RHBDF2: variants seen among roughly 807,000 people sequenced by gnomAD.
RHBDF2 encodes inactive rhomboid protein 2.
In RHBDF2, 38 loss-of-function variants were observed where a neutral mutation model predicts 95.2. The observed-to-expected ratio is 0.40, with a 90% CI of 0.31 to 0.52. RHBDF2 has a LOEUF of 0.52. Among genes scored for constraint, RHBDF2 ranks in the 20% least tolerant of loss-of-function variants. The pLI is 0.56. For synonymous variants in RHBDF2, 442 were observed against 462.0 expected (o/e 0.96, Z 0.55); for missense variants, 863 against 1,137.7 (o/e 0.76, Z 3.47).
At position 76,471,396 on chromosome 17, in the gene RHBDF2, G is replaced by C. The variant is rs2073553435; in HGVS notation, c.*237C>G. 3 of 538,234 alleles carry C rather than the reference G, an allele frequency of 5.6e-6. No homozygotes were observed. Among genetic ancestry groups the C allele is most frequent in the Non-Finnish European group, 9.8e-6 (3 of 305,552 alleles). 33.3% of individuals were successfully genotyped at this position (538,234 alleles called of 1,614,324 possible). On this transcript the variant is annotated 3_prime_UTR_variant, in exon 19 of 19. Coordinates refer to ENST00000675367, the MANE Select transcript of RHBDF2 (RefSeq NM_001005498.4). The stretch of plus-strand genomic sequence containing the variant: ...CAAGACTCAGAGAGGCAGGTGCCTT[G>C]GGTGTGCCTGAGCTTGGGTCAGGAT...
rs368409953 is a variant in RHBDF2, at chr17:76,479,736, C to T, written c.269G>A (p.Arg90His). Residue 90 changes from arginine (R) to histidine (H), a missense_variant, in exon 4 of 19, where the codon CGC becomes CAC. By Grantham distance (29) the Arg-to-His change is conservative (BLOSUM62 0). Coordinates refer to ENST00000675367, the MANE Select transcript of RHBDF2 (RefSeq NM_001005498.4). ...GCTTGGGTGTAGGGGGGCTCACTTGCGGATGCTCTGGGACAGTGAGGCCTG... is the reference window on the plus strand; with the variant it reads ...GCTTGGGTGTAGGGGGGCTCACTTGTGGATGCTCTGGGACAGTGAGGCCTG... ...RRQASLSQSI[R>H]KGAAQWFGVS... The T allele has an allele frequency of 7.5e-6, 12 of 1,607,018 alleles. No homozygotes were observed. The highest frequency in any genetic ancestry group is 2.2e-5 in the East Asian group (1 of 44,826).
At chr17:76,476,429 A>C (rs2073775283) in intron 9 of RHBDF2, 1 of 177,982 alleles carries the variant, frequency 5.6e-6, no homozygotes, top group African/African-American at 2.4e-5. Flanking sequence ...AAAGTGCTAT[A>C]ATTACAAGTG....
intron 1 of RHBDF2, among the ~76,000 whole-genome samples, chr17:76,492,302 C>G (rs2074321590): frequency 6.6e-6 from 1 of 152,156 alleles, no homozygotes; most frequent in African/African-American, 2.4e-5. Flanking sequence ...CTCAGGGCCT[C>G]CCCCACTGCA....
chr17:76,480,043 T>TGTTTTTATA (rs1491080282), intron 3 of RHBDF2, 189 bp from the exon 4 acceptor site: 1 of 125,494 alleles, frequency 8.0e-6, no homozygotes, highest in Non-Finnish European at 1.5e-5. Context: ...GTGTGTGTGT[T>TGTTTTTATA]TGTATATGTA....
In RHBDF2 at chr17:76,475,309, T is replaced by C. The variant is rs535257458; in HGVS notation, c.1116-168A>G. 5.0e-4 allele frequency among the ~76,000 whole-genome samples: 76 copies of C among 152,284 alleles called. 3 individuals are homozygous for C. The South Asian group carries it at 0.016, about 31-fold the overall frequency. On this transcript the variant is annotated intron_variant, in intron 9 of 18. Transcript: ENST00000675367. ...TTTAAGACGAGCCTCCAAGCATCTC[T>C]CTCCTAGCTTAAAACCTTTTGATAG... is the stretch of plus-strand genomic sequence containing the variant.
Position 76,477,541 on chromosome 17 carries a change from C to T in RHBDF2, c.801+116G>A. 8 of 1,252,620 alleles carry T rather than the reference C, an allele frequency of 6.4e-6. No homozygotes were observed. In the Middle Eastern group the frequency reaches 9.7e-4, roughly 152 times the overall value. 77.6% of individuals were successfully genotyped at this position (1,252,620 alleles called of 1,614,324 possible). On this transcript the variant is annotated intron_variant, in intron 7 of 18. Transcript: ENST00000675367. Reference sequence around the variant, plus strand: ...CTCCACATAGGACCATGCCACATCCCAGCAGTGGGCCTCTGGGTCCCTCAG... The same window carrying T: ...CTCCACATAGGACCATGCCACATCCTAGCAGTGGGCCTCTGGGTCCCTCAG...
intron 1 of RHBDF2, among the ~76,000 whole-genome samples, chr17:76,490,890 C>G (rs1598161911): frequency 6.6e-6 from 1 of 152,324 alleles, no homozygotes; most frequent in East Asian, 1.9e-4. Flanking sequence ...CTCTCTCCAG[C>G]ATCTCGCGGA....
chr17:76,474,312 G>A (rs747577938), intron 12 of RHBDF2, 61 bp downstream of exon 12: 2 of 1,571,758 alleles, frequency 1.3e-6, no homozygotes, highest in Non-Finnish European at 1.7e-6. Context: ...GAAGGACAGG[G>A]CAAGTGGAGC....
chr17:76,478,530 T>C (rs2073844856), intron 6 of RHBDF2, among the ~76,000 whole-genome samples: 1 of 152,144 alleles, frequency 6.6e-6, no homozygotes, highest in African/African-American at 2.4e-5. Flanking sequence ...CAAGTATGCA[T>C]CTCACTTCCC....
rs201618885 is a variant in RHBDF2 at position 76,482,350 on chromosome 17, TG to T, written c.-21-806del. 3.0e-3 allele frequency among the ~76,000 whole-genome samples: 451 copies of T among 151,930 alleles called. 3 individuals are homozygous for T. The highest frequency in any genetic ancestry group is 0.01 in the African/African-American group (426 of 41,470). ...TTTTCTTGTCTTTTTTCTGTAGAGG[TG>T]GGGGTCTCTCCATGTTAGCCAGGCT... On this transcript the variant is annotated intron_variant, in intron 2 of 18. Coordinates refer to ENST00000675367, the MANE Select transcript of RHBDF2 (RefSeq NM_001005498.4).
chr17:76,483,443 G>A (rs1483522688), intron 2 of RHBDF2, among the ~76,000 whole-genome samples: 8 of 151,950 alleles, frequency 5.3e-5, no homozygotes, highest in African/African-American at 1.2e-4. Context: ...GCGCCACCAC[G>A]CCCAGCTAAT....
At chr17:76,489,398 C>A (rs139533189) in intron 1 of RHBDF2, among the ~76,000 whole-genome samples, 3,066 of 149,904 alleles carry the variant, frequency 0.02, 93 homozygotes, top group South Asian at 0.13. Flanking sequence ...ATCTCAGCTC[C>A]CTTCAAGCAC....
At position 76,479,720 on chromosome 17, in the gene RHBDF2, T is replaced by C; in HGVS notation, c.272+13A>G. The C allele has an allele frequency of 6.3e-7, 1 of 1,598,122 alleles. No homozygotes were observed. Among genetic ancestry groups the C allele is most frequent in the Non-Finnish European group, 8.5e-7 (1 of 1,175,162 alleles). On this transcript the variant is annotated intron_variant, in intron 4 of 18. Coordinates refer to ENST00000675367, the MANE Select transcript of RHBDF2 (RefSeq NM_001005498.4). ...GGGTGGGGGGTGCTGGGCTTGGGTG[T>C]AGGGGGGCTCACTTGCGGATGCTCT...
intron 1 of RHBDF2, among the ~76,000 whole-genome samples, chr17:76,494,260 G>A (rs1351530760): frequency 6.6e-6 from 1 of 152,218 alleles, no homozygotes; most frequent in African/African-American, 2.4e-5. Flanking sequence ...CTCCTCGGCT[G>A]GGGTTCCTGG....
intron 1 of RHBDF2, among the ~76,000 whole-genome samples, chr17:76,491,374 G>A (rs1334694440): frequency 6.6e-6 from 1 of 152,110 alleles, no homozygotes; most frequent in Non-Finnish European, 1.5e-5. Flanking sequence ...GATGAGAGAG[G>A]CTCCCAAAAC....
chr17:76,496,187 T>A (rs1350078000), intron 1 of RHBDF2, among the ~76,000 whole-genome samples: 1 of 152,172 alleles, frequency 6.6e-6, no homozygotes, highest in Non-Finnish European at 1.5e-5. Context: ...CAGATATGAA[T>A]GTACAGTGCC....
intron 17 of RHBDF2, 73 bp from the exon 18 acceptor site, chr17:76,472,912 C>T: frequency 6.3e-7 from 1 of 1,579,348 alleles, no homozygotes; most frequent in Admixed American, 1.8e-5. Context: ...GCAGGTTGGG[C>T]CGGCCATGCC....
Position 76,473,849 on chromosome 17 carries a change from G to C in RHBDF2, c.1628C>G (p.Thr543Ser), listed in dbSNP as rs1411364345. Residue 543 changes from threonine (T) to serine (S), a missense_variant, in exon 14 of 19, where the codon ACT becomes AGT. By Grantham distance (58) the Thr-to-Ser change is moderately conservative (BLOSUM62 1). Transcript: ENST00000675367. ...SGAHIWPDDI[T>S]KWPICTEQAR... ...GCCAGGGACACTCACCGGCCACTTAGTGATGTCATCGGGCCAGATGTGGGC... is the reference window on the plus strand; with the variant it reads ...GCCAGGGACACTCACCGGCCACTTACTGATGTCATCGGGCCAGATGTGGGC... 9.9e-6 allele frequency: 16 copies of C among 1,613,990 alleles called. No homozygotes were observed. Among genetic ancestry groups the C allele is most frequent in the Non-Finnish European group, 1.4e-5 (16 of 1,180,028 alleles).
intron 1 of RHBDF2, among the ~76,000 whole-genome samples, chr17:76,496,174 C>G (rs1055525293): frequency 6.6e-6 from 1 of 152,210 alleles, no homozygotes; most frequent in African/African-American, 2.4e-5. Context: ...GGGAAGATGA[C>G]AGCAGATATG....
Sources: allele counts gnomAD v4.1 joint callset (sites outside exome capture counted in the v4.1 genomes callset), GRCh38; gene constraint gnomAD v4.1.1; transcripts MANE v1.5; gene names NCBI Gene and HGNC (gene_info 2026-07-23, HGNC 2026-07-21).